The following DPP6 variants were observed in gnomAD, a reference collection of about 807,000 sequenced individuals.
DPP6 encodes dipeptidyl peptidase like 6.
Under a neutral mutation model 122.6 loss-of-function variants are expected in DPP6, and 69 were observed. The observed-to-expected ratio is 0.56, with a 90% CI of 0.46 to 0.69. The LOEUF is 0.69. Among genes scored for constraint, DPP6 ranks in the 30% least tolerant of loss-of-function variants. The pLI, the probability that DPP6 is intolerant of heterozygous loss-of-function variation, is 0.00. For missense variants in DPP6, 928 were observed against 1,116.9 expected, an observed-to-expected ratio of 0.83 and a Z score of 2.41; for synonymous variants, 418 against 433.1, an observed-to-expected ratio of 0.97 and a Z score of 0.43.
chr7:154,551,460 C>G (rs191534590), intron 4 of DPP6, among the ~76,000 whole-genome samples: 11 of 152,214 alleles, frequency 7.2e-5, no homozygotes, highest in Admixed American at 2.0e-4. Context: ...AAACATTTAT[C>G]TTTTTCTTTT....
At chr7:154,750,577 G>C (rs767697171) in intron 8 of DPP6, among the ~76,000 whole-genome samples, 18 of 152,220 alleles carry the variant, frequency 1.2e-4, no homozygotes, top group Non-Finnish European at 2.1e-4. Flanking sequence ...GTCCCGCACC[G>C]GGCAGAGCTG....
chr7:154,885,633 G>A lies in DPP6; in HGVS notation c.2134G>A (p.Asp712Asn), dbSNP rs748185170. Residue 712 changes from aspartate to asparagine, a missense_variant and splice_region_variant, in exon 22 of 26, where the codon GAT becomes AAT. Coordinates refer to ENST00000377770, the MANE Select transcript of DPP6 (RefSeq NM_130797.4). Reference sequence around the variant, plus strand: ...TGTCTTCTCTCTGCGCTTTCTCCAGGATTACGGTGGCTACCTGAGCACCTA... The same window carrying A: ...TGTCTTCTCTCTGCGCTTTCTCCAGAATTACGGTGGCTACCTGAGCACCTA... Reference protein sequence around the residue: ...DRTRVAVFGKDYGGYLSTYIL... With the variant: ...DRTRVAVFGKNYGGYLSTYIL... 2.6e-6 allele frequency: 4 copies of A among 1,568,170 alleles called. No homozygotes were observed. In the South Asian group the frequency reaches 4.7e-5, roughly 18 times the overall value.
In DPP6 at chr7:154,717,316, C is replaced by T. The variant is rs6952242; in HGVS notation, c.763-10451C>T. Among the ~76,000 whole-genome samples, 73 of 152,084 alleles carry T rather than the reference C, an allele frequency of 4.8e-4. No homozygotes were observed. In the East Asian group the frequency reaches 0.013, roughly 27 times the overall value. ...TTACCCAACTGTGTAATGGAATACT[C>T]GGACTTATTCCTTCTACCTCATTGT... On this transcript the variant is annotated intron_variant, in intron 7 of 25. Transcript: ENST00000377770.
intron 3 of DPP6, among the ~76,000 whole-genome samples, chr7:154,532,248 G>T (rs1827894050): frequency 6.6e-6 from 1 of 151,844 alleles, no homozygotes; most frequent in South Asian, 2.1e-4. Flanking sequence ...ATACCTACTG[G>T]GCATATGAGA....
chr7:153,918,377 C>T (rs557035110), intron 1 of DPP6, among the ~76,000 whole-genome samples: 10 of 150,504 alleles, frequency 6.6e-5, no homozygotes, highest in Admixed American at 2.6e-4. Context: ...TGATTGAATA[C>T]GTTAGTCAGT....
At chr7:153,791,740 A>G in the DPP6 span, among the ~76,000 whole-genome samples, 1 of 152,176 alleles carries the variant, frequency 6.6e-6, no homozygotes, top group African/African-American at 2.4e-5. Context: ...TTTCAATGCT[A>G]TATATAATAA....
chr7:154,596,568 A>T (rs1019217849), intron 5 of DPP6, among the ~76,000 whole-genome samples: 2 of 152,230 alleles, frequency 1.3e-5, no homozygotes, highest in African/African-American at 4.8e-5. Context: ...AACTTCCAAA[A>T]AAAAAAGTTG....
intron 1 of DPP6, among the ~76,000 whole-genome samples, chr7:154,439,786 G>A (rs1819202772): frequency 2.6e-5 from 4 of 152,222 alleles, no homozygotes; most frequent in Admixed American, 1.3e-4. Flanking sequence ...CAAGGGTGGT[G>A]GGTAGGATTT....
At chr7:154,401,461 T>C (rs1163401911) in intron 1 of DPP6, among the ~76,000 whole-genome samples, 3 of 152,142 alleles carry the variant, frequency 2.0e-5, no homozygotes, top group Non-Finnish European at 4.4e-5. Flanking sequence ...AGAAAAGATG[T>C]AGAAATCCCT....
chr7:154,887,595 AG>A, intron 22 of DPP6, 80 bp from the exon 23 acceptor site: 1 of 1,438,400 alleles, frequency 7.0e-7, no homozygotes, highest in Non-Finnish European at 9.8e-7. Flanking sequence ...CACCCGGTCC[AG>A]GGCCCTCCCT....
intron 5 of DPP6, among the ~76,000 whole-genome samples, chr7:154,589,908 C>T (rs973643500): frequency 6.6e-5 from 10 of 152,196 alleles, no homozygotes; most frequent in African/African-American, 2.2e-4. Flanking sequence ...CGGAAGTAAT[C>T]GATTGAGTAA....
intron 1 of DPP6, among the ~76,000 whole-genome samples, chr7:154,117,947 C>T (rs959009001): frequency 1.2e-4 from 18 of 152,024 alleles, no homozygotes; most frequent in African/African-American, 4.1e-4. Flanking sequence ...ACAGATCTCC[C>T]GAACAGTCTG....
At chr7:154,263,700 A>T (rs1421257279) in intron 1 of DPP6, among the ~76,000 whole-genome samples, 3 of 151,790 alleles carry the variant, frequency 2.0e-5, no homozygotes, top group Non-Finnish European at 4.4e-5. Context: ...TATTATTATT[A>T]TTTTTGAGAC....
intron 7 of DPP6, among the ~76,000 whole-genome samples, chr7:154,673,806 T>C (rs1345433392): frequency 6.6e-6 from 1 of 152,186 alleles, no homozygotes; most frequent in Non-Finnish European, 1.5e-5. Context: ...AACGTATTTC[T>C]CTGTACCACT....
chr7:154,738,488 A>G (rs1165081023), intron 8 of DPP6, among the ~76,000 whole-genome samples: 3 of 152,232 alleles, frequency 2.0e-5, no homozygotes, highest in African/African-American at 7.2e-5. Context: ...TAAACTCAGA[A>G]ATAAATAAAA....
At chr7:154,685,190 A>G (rs941213731) in intron 7 of DPP6, among the ~76,000 whole-genome samples, 3 of 152,248 alleles carry the variant, frequency 2.0e-5, no homozygotes, top group African/African-American at 7.2e-5. Context: ...CTCCTGTCTC[A>G]TAAAGAAAAA....
intron 8 of DPP6, among the ~76,000 whole-genome samples, chr7:154,735,088 GCTCTATTCA>G (rs1343826673): frequency 6.6e-6 from 1 of 152,198 alleles, no homozygotes; most frequent in Non-Finnish European, 1.5e-5. Context: ...AAACTCTGAA[GCTCTATTCA>G]CTCATAAAAT....
At chr7:154,414,039 G>A (rs1046563412) in intron 1 of DPP6, among the ~76,000 whole-genome samples, 1 of 152,160 alleles carries the variant, frequency 6.6e-6, no homozygotes, top group African/African-American at 2.4e-5. Flanking sequence ...ATCATTTTTA[G>A]TGAGAGAATA....
intron 5 of DPP6, among the ~76,000 whole-genome samples, chr7:154,619,954 A>T (rs1049349056): frequency 2.2e-4 from 34 of 152,218 alleles, no homozygotes; most frequent in Non-Finnish European, 4.4e-5. Context: ...AAGCACTTGA[A>T]GTATCTGCAC....
Sources: gnomAD v4.1 joint callset for allele counts (sites outside exome capture counted in the v4.1 genomes callset) on GRCh38, gnomAD v4.1.1 for gene constraint, MANE v1.5 for transcripts, NCBI Gene and HGNC (gene_info 2026-07-23, HGNC 2026-07-21) for gene names.